Variants in SNX29 observed in about 807,000 individuals in gnomAD.
SNX29 encodes the protein sorting nexin 29.
In SNX29, 78 loss-of-function variants were observed where a neutral mutation model predicts 102.1. That is an observed-to-expected ratio of 0.76 (90% CI 0.64 to 0.92). The LOEUF (loss-of-function observed/expected upper bound fraction) is 0.92, where lower values mean the gene tolerates loss of function less well. SNX29 is among the 40% of genes least tolerant of loss of function. SNX29 has a pLI of 0.00. For synonymous variants in SNX29, 580 were observed against 414.5 expected (o/e 1.40, Z -4.85); for missense variants, 1,280 against 1,061.7 (o/e 1.21, Z -2.86).
At chr16:12,267,408 G>A (rs17697005) in intron 14 of SNX29, among the ~76,000 whole-genome samples, 97,529 of 151,990 alleles carry the variant, frequency 0.64, 32,543 homozygotes, top group African/African-American at 0.81. Flanking sequence ...CCAGCCCTCC[G>A]TTTTCTCAGC....
intron 20 of SNX29, among the ~76,000 whole-genome samples, chr16:12,564,540 A>C (rs1341394495): frequency 1.3e-5 from 2 of 152,206 alleles, no homozygotes; most frequent in Non-Finnish European, 2.9e-5. Context: ...TATGGAGTTA[A>C]GGCCTTTGGC....
chr16:12,266,988 C>T (rs2078948333), intron 14 of SNX29, among the ~76,000 whole-genome samples: 1 of 152,168 alleles, frequency 6.6e-6, no homozygotes, highest in East Asian at 1.9e-4. Flanking sequence ...GTCTCGAACT[C>T]TTGATCTCAA....
At chr16:12,262,680 G>A (rs1174573638) in intron 14 of SNX29, among the ~76,000 whole-genome samples, 2 of 152,188 alleles carry the variant, frequency 1.3e-5, no homozygotes, top group Admixed American at 1.3e-4. Flanking sequence ...CTGTGACAGT[G>A]GTAAGGAGAC....
At chr16:12,138,363 A>G (rs2054740687) in intron 13 of SNX29, among the ~76,000 whole-genome samples, 2 of 151,952 alleles carry the variant, frequency 1.3e-5, no homozygotes, top group African/African-American at 4.8e-5. Context: ...ATGTGCCACC[A>G]TGCCCAGCTC....
intron 13 of SNX29, among the ~76,000 whole-genome samples, chr16:12,197,673 T>A (rs950830284): frequency 2.6e-5 from 4 of 152,220 alleles, no homozygotes; most frequent in Non-Finnish European, 4.4e-5. Context: ...GTCAAACATT[T>A]GTGATTCATG....
intron 11 of SNX29, chr16:12,088,268 G>A (rs1452082933): frequency 1.6e-5 from 6 of 382,360 alleles, no homozygotes; most frequent in Non-Finnish European, 3.1e-5. Context: ...CCGGCTCTGC[G>A]GGGTCAGAGC....
At chr16:11,987,447 A>G (rs2055676088) in intron 1 of SNX29, among the ~76,000 whole-genome samples, 1 of 143,198 alleles carries the variant, frequency 7.0e-6, no homozygotes, top group South Asian at 2.2e-4. Context: ...TCTGTCACCC[A>G]GGCTGGAGTG....
At chr16:12,180,584 C>T (rs1401681807) in intron 13 of SNX29, among the ~76,000 whole-genome samples, 5 of 151,868 alleles carry the variant, frequency 3.3e-5, no homozygotes, top group East Asian at 1.9e-4. Context: ...CCCGGGTTCA[C>T]GCCATTCTCC....
In SNX29 at chr16:12,332,483, GC is replaced by G. The variant is rs146406906; in HGVS notation, c.1783-23678del. On this transcript the variant is annotated intron_variant, in intron 15 of 20. Coordinates refer to ENST00000566228, the MANE Select transcript of SNX29 (RefSeq NM_032167.5). ...TAAAAATGTGTTACTCTCTTTGTGC[GC>G]CTTTTGCCTGTTAAAGTGATGACTC... 9.9e-3 allele frequency among the ~76,000 whole-genome samples: 1,509 copies of G among 152,220 alleles called. 29 individuals are homozygous for G. The highest frequency in any genetic ancestry group is 0.034 in the African/African-American group (1,431 of 41,522).
chr16:12,040,503 C>T (rs1051579722), intron 4 of SNX29, among the ~76,000 whole-genome samples: 3 of 152,210 alleles, frequency 2.0e-5, no homozygotes, highest in African/African-American at 7.2e-5. Context: ...AACAAACTTT[C>T]TTAGGTTTCC....
chr16:12,244,442 C>T (rs1401828949), intron 14 of SNX29, among the ~76,000 whole-genome samples: 1 of 152,244 alleles, frequency 6.6e-6, no homozygotes, highest in East Asian at 1.9e-4. Flanking sequence ...AACACTGTCT[C>T]TACCAAAAAT....
At chr16:12,322,224 G>A (rs1014993615) in intron 15 of SNX29, among the ~76,000 whole-genome samples, 3 of 152,154 alleles carry the variant, frequency 2.0e-5, no homozygotes, top group African/African-American at 7.2e-5. Context: ...GGAGTGGGGA[G>A]AACTCCCTGA....
intron 19 of SNX29, among the ~76,000 whole-genome samples, chr16:12,508,953 A>T (rs1336269249): frequency 6.6e-6 from 1 of 152,124 alleles, no homozygotes; most frequent in Admixed American, 6.5e-5. Flanking sequence ...CTCATCTGTG[A>T]AATGTCGTTC....
intron 15 of SNX29, among the ~76,000 whole-genome samples, chr16:12,336,510 G>T (rs934114263): frequency 6.6e-6 from 1 of 152,222 alleles, no homozygotes; most frequent in Non-Finnish European, 1.5e-5. Flanking sequence ...TCAGAGAAAA[G>T]ATATTGGAAT....
At chr16:12,424,497 C>G (rs2084981686) in intron 18 of SNX29, among the ~76,000 whole-genome samples, 1 of 152,102 alleles carries the variant, frequency 6.6e-6, no homozygotes, top group Admixed American at 6.5e-5. Flanking sequence ...GGTAAGCAAC[C>G]TGCTTTGAGA....
intron 13 of SNX29, among the ~76,000 whole-genome samples, chr16:12,151,613 T>A (rs2055305686): frequency 6.6e-6 from 1 of 152,234 alleles, no homozygotes; most frequent in East Asian, 1.9e-4. Flanking sequence ...TGCAGGACGG[T>A]TTCTTTTCAA....
intron 20 of SNX29, among the ~76,000 whole-genome samples, chr16:12,552,329 C>G (rs182395624): frequency 6.6e-6 from 1 of 152,146 alleles, no homozygotes; most frequent in Non-Finnish European, 1.5e-5. Context: ...TGGAACTCCT[C>G]TCCTGGCTTC....
At chr16:12,452,335 G>A (rs962928536) in intron 18 of SNX29, among the ~76,000 whole-genome samples, 1 of 20,286 alleles carries the variant, frequency 4.9e-5, no homozygotes, top group Non-Finnish European at 7.9e-5. Context: ...GGATGCAGTG[G>A]AATGTCTCAC....
At chr16:12,430,688 T>C (rs2085273727) in intron 18 of SNX29, among the ~76,000 whole-genome samples, 1 of 152,226 alleles carries the variant, frequency 6.6e-6, no homozygotes, top group South Asian at 2.1e-4. Flanking sequence ...CAGGCTTTAT[T>C]GTTATGACTG....
Sources: gnomAD v4.1 joint callset for allele counts (sites outside exome capture counted in the v4.1 genomes callset) on GRCh38, gnomAD v4.1.1 for gene constraint, MANE v1.5 for transcripts, NCBI Gene and HGNC (gene_info 2026-07-23, HGNC 2026-07-21) for gene names.